PKNOX2: variants seen among roughly 807,000 people sequenced by gnomAD.
The protein encoded by PKNOX2 is homeobox protein PKNOX2.
PKNOX2 carries 14 observed loss-of-function variants against 53.1 expected under a neutral mutation model. The ratio of observed to expected loss-of-function variants is 0.26; its 90% CI spans 0.17 to 0.41. PKNOX2 has a LOEUF of 0.41. Ranked by LOEUF, PKNOX2 falls within the 10% of genes least tolerant of loss-of-function variation. The pLI is 1.00. For missense variants in PKNOX2, 496 were observed against 602.8 expected, an observed-to-expected ratio of 0.82 and a Z score of 1.85; for synonymous variants, 257 against 242.8, an observed-to-expected ratio of 1.06 and a Z score of -0.54.
intron 2 of PKNOX2, among the ~76,000 whole-genome samples, chr11:125,262,260 C>G (rs905788679): frequency 1.3e-5 from 2 of 151,992 alleles, no homozygotes; most frequent in Non-Finnish European, 2.9e-5. Flanking sequence ...CCCCTTGGGC[C>G]GGAAGGAGTG....
At chr11:125,189,051 T>C (rs1264950914) in intron 1 of PKNOX2, among the ~76,000 whole-genome samples, 1 of 151,852 alleles carries the variant, frequency 6.6e-6, no homozygotes, top group Non-Finnish European at 1.5e-5. Context: ...CCAATCAACT[T>C]AGGGCAAGAG....
At chr11:125,323,148 G>T (rs1388239459) in intron 2 of PKNOX2, among the ~76,000 whole-genome samples, 1 of 152,016 alleles carries the variant, frequency 6.6e-6, no homozygotes, top group Non-Finnish European at 1.5e-5. Flanking sequence ...TTGGCTCCCA[G>T]TGCGTTTCCA....
At chr11:125,386,111 A>T (rs1314159393) in intron 6 of PKNOX2, among the ~76,000 whole-genome samples, 3 of 152,194 alleles carry the variant, frequency 2.0e-5, no homozygotes, top group Non-Finnish European at 4.4e-5. Flanking sequence ...CTAATAGTTG[A>T]TGTGCCACTG....
chr11:125,252,741 G>A (rs1478312155), intron 2 of PKNOX2, among the ~76,000 whole-genome samples: 1 of 152,182 alleles, frequency 6.6e-6, no homozygotes, highest in Non-Finnish European at 1.5e-5. Context: ...ACAAATCCCA[G>A]CAGAAGCTGG....
intron 6 of PKNOX2, among the ~76,000 whole-genome samples, chr11:125,390,168 G>A (rs1378206974): frequency 6.6e-6 from 1 of 152,216 alleles, no homozygotes; most frequent in Non-Finnish European, 1.5e-5. Flanking sequence ...CACTTACCAG[G>A]TGCCGGGTAC....
chr11:125,235,261 C>A (rs1451729205), intron 2 of PKNOX2, 146 bp downstream of exon 2: 6 of 152,644 alleles, frequency 3.9e-5, no homozygotes, highest in Admixed American at 1.3e-4. Flanking sequence ...TACAGTGGAG[C>A]TCTAATTAGA....
At chr11:125,333,595 G>T (rs1008962274) in intron 3 of PKNOX2, among the ~76,000 whole-genome samples, 2 of 147,362 alleles carry the variant, frequency 1.4e-5, no homozygotes, top group Middle Eastern at 3.5e-3. Context: ...CCACTGAACC[G>T]TCTTGCCAAG....
intron 2 of PKNOX2, among the ~76,000 whole-genome samples, chr11:125,330,669 A>G (rs114072128): frequency 0.017 from 2,512 of 150,952 alleles, 66 homozygotes; most frequent in African/African-American, 0.058. Flanking sequence ...TGCCACCCTC[A>G]CCTCCCAGCA....
intron 4 of PKNOX2, among the ~76,000 whole-genome samples, chr11:125,351,791 G>C (rs1369390716): frequency 6.6e-6 from 1 of 152,078 alleles, no homozygotes; most frequent in African/African-American, 2.4e-5. Context: ...CACACTCAGA[G>C]GTTTCTGAGT....
At chr11:125,403,145 G>T (rs776651513) in intron 7 of PKNOX2, among the ~76,000 whole-genome samples, 1 of 152,226 alleles carries the variant, frequency 6.6e-6, no homozygotes, top group South Asian at 2.1e-4. Flanking sequence ...ATTCATTCAC[G>T]CATCCTGCAT....
At chr11:125,183,198 CTTTTTTTTTTT>C (rs10676031) in intron 1 of PKNOX2, among the ~76,000 whole-genome samples, 2 of 85,856 alleles carry the variant, frequency 2.3e-5, no homozygotes, top group African/African-American at 6.0e-5. Context: ...GCGATGAATC[CTTTTTTTTTTT>C]TTTTTTTTTT....
At chr11:125,364,422 A>C (rs1376549626) in intron 4 of PKNOX2, among the ~76,000 whole-genome samples, 1 of 152,024 alleles carries the variant, frequency 6.6e-6, no homozygotes, top group African/African-American at 2.4e-5. Context: ...TTTGATTTAC[A>C]TTTTATTCTG....
chr11:125,215,466 T>A (rs1289643341), intron 1 of PKNOX2, among the ~76,000 whole-genome samples: 1 of 152,036 alleles, frequency 6.6e-6, no homozygotes, highest in African/African-American at 2.4e-5. Context: ...AACTGCTATT[T>A]CCATGCTGGG....
intron 2 of PKNOX2, among the ~76,000 whole-genome samples, chr11:125,297,449 C>T (rs145513039): frequency 3.9e-5 from 6 of 152,248 alleles, no homozygotes; most frequent in Admixed American, 6.5e-5. Flanking sequence ...GAGCCATGTG[C>T]GGTATACTAG....
chr11:125,329,079 A>C (rs1950001480), intron 2 of PKNOX2, among the ~76,000 whole-genome samples: 1 of 152,232 alleles, frequency 6.6e-6, no homozygotes, highest in South Asian at 2.1e-4. Flanking sequence ...TAATAGCAAA[A>C]ACTGGAAATA....
At chr11:125,250,014 G>A (rs1005655286) in intron 2 of PKNOX2, among the ~76,000 whole-genome samples, 11 of 133,174 alleles carry the variant, frequency 8.3e-5, no homozygotes, top group Admixed American at 6.1e-4. Flanking sequence ...GCGGTGAGCA[G>A]AGATCACGTG....
intron 10 of PKNOX2, among the ~76,000 whole-genome samples, chr11:125,423,211 G>A (rs1176425378): frequency 6.6e-6 from 1 of 152,140 alleles, no homozygotes; most frequent in Non-Finnish European, 1.5e-5. Flanking sequence ...TCTCACGCCG[G>A]TTAGAGACAA....
At chr11:125,189,901 G>A (rs1178747034) in intron 1 of PKNOX2, 2 of 151,340 alleles carry the variant, frequency 1.3e-5, no homozygotes, top group African/African-American at 4.9e-5. Flanking sequence ...TGTTGTCCTA[G>A]TATAACTGTT....
intron 3 of PKNOX2, chr11:125,332,621 CATG>C (rs1271660104): frequency 6.6e-6 from 1 of 151,974 alleles, no homozygotes; most frequent in Non-Finnish European, 1.5e-5. Flanking sequence ...TCCAGTATGC[CATG>C]ATAAGGGCTG....
Sources: gnomAD v4.1 joint callset for allele counts (sites outside exome capture counted in the v4.1 genomes callset) on GRCh38, gnomAD v4.1.1 for gene constraint, MANE v1.5 for transcripts, NCBI Gene and HGNC (gene_info 2026-07-23, HGNC 2026-07-21) for gene names.